The following ZBTB20 variants were observed in gnomAD, a reference collection of about 807,000 sequenced individuals.
ZBTB20 encodes zinc finger and BTB domain-containing protein 20.
ZBTB20 carries 9 observed loss-of-function variants against 56.9 expected under a neutral mutation model. That is an observed-to-expected ratio of 0.16 (90% CI 0.10 to 0.28). ZBTB20 has a LOEUF of 0.28. Ranked by LOEUF, ZBTB20 falls within the 10% of genes least tolerant of loss-of-function variation. ZBTB20 has a pLI of 1.00. For synonymous variants in ZBTB20, 417 were observed against 420.7 expected (o/e 0.99, Z 0.11); for missense variants, 655 against 1,003.0 (o/e 0.65, Z 4.69).
At chr3:115,085,873 A>G (rs2082966904) in intron 1 of ZBTB20, among the ~76,000 whole-genome samples, 1 of 151,908 alleles carries the variant, frequency 6.6e-6, no homozygotes, top group Admixed American at 6.6e-5. Flanking sequence ...GATGCCTACA[A>G]ACATGAAGCT....
At chr3:114,410,849 C>A (rs376407437) in intron 7 of ZBTB20, among the ~76,000 whole-genome samples, 2 of 152,052 alleles carry the variant, frequency 1.3e-5, no homozygotes, top group Non-Finnish European at 2.9e-5. Flanking sequence ...TTTTGAGCCG[C>A]CCATTTTCTG....
At chr3:114,633,178 G>A (rs2059055912) in intron 6 of ZBTB20, among the ~76,000 whole-genome samples, 1 of 152,166 alleles carries the variant, frequency 6.6e-6, no homozygotes. Flanking sequence ...AAGAACTGAT[G>A]CAAAGTTTCC....
intron 5 of ZBTB20, among the ~76,000 whole-genome samples, chr3:114,745,887 C>T (rs2108620027): frequency 6.6e-6 from 1 of 152,236 alleles, no homozygotes; most frequent in South Asian, 2.1e-4. Context: ...GACTCCAGGA[C>T]AAGGAGGTCA....
At chr3:114,776,790 C>CT (rs965457201) in intron 5 of ZBTB20, among the ~76,000 whole-genome samples, 3 of 152,258 alleles carry the variant, frequency 2.0e-5, no homozygotes, top group African/African-American at 7.2e-5. Flanking sequence ...TGTGGAGATA[C>CT]TGGAGATATT....
chr3:115,055,337 G>A (rs2108452775), intron 2 of ZBTB20, among the ~76,000 whole-genome samples: 1 of 151,938 alleles, frequency 6.6e-6, no homozygotes, highest in Admixed American at 6.6e-5. Context: ...AGAACCATAG[G>A]ATTAATCCAT....
intron 7 of ZBTB20, among the ~76,000 whole-genome samples, chr3:114,438,853 G>C (rs2090718351): frequency 6.6e-6 from 1 of 152,136 alleles, no homozygotes; most frequent in Non-Finnish European, 1.5e-5. Flanking sequence ...AACTGCACAG[G>C]TTGTATACCC....
At chr3:114,510,977 C>T (rs1255247017) in intron 6 of ZBTB20, among the ~76,000 whole-genome samples, 1 of 151,062 alleles carries the variant, frequency 6.6e-6, no homozygotes, top group Admixed American at 6.6e-5. Context: ...AAGATGATCA[C>T]TGTTTTCTAA....
At chr3:114,375,326 A>T (rs1350723944) in intron 10 of ZBTB20, among the ~76,000 whole-genome samples, 1 of 152,208 alleles carries the variant, frequency 6.6e-6, no homozygotes, top group Non-Finnish European at 1.5e-5. Flanking sequence ...CCGTTCAAAC[A>T]GTTATTTTGA....
intron 6 of ZBTB20, among the ~76,000 whole-genome samples, chr3:114,573,853 T>G (rs1318851777): frequency 1.3e-5 from 2 of 152,282 alleles, no homozygotes; most frequent in East Asian, 3.9e-4. Flanking sequence ...CTTAAAACTT[T>G]TATTTTTCAA....
chr3:114,855,308 G>A (rs756660207), intron 4 of ZBTB20, among the ~76,000 whole-genome samples: 23 of 152,254 alleles, frequency 1.5e-4, no homozygotes, highest in Middle Eastern at 3.4e-3. Context: ...TTGTTGGGAA[G>A]GGAAAACAAA....
At chr3:114,573,770 T>A (rs1321058711) in intron 6 of ZBTB20, among the ~76,000 whole-genome samples, 2 of 152,096 alleles carry the variant, frequency 1.3e-5, no homozygotes, top group African/African-American at 4.8e-5. Flanking sequence ...TAAATTGGAA[T>A]CATACATGTA....
At chr3:114,555,197 A>G (rs1236881400) in intron 6 of ZBTB20, among the ~76,000 whole-genome samples, 2 of 152,278 alleles carry the variant, frequency 1.3e-5, no homozygotes, top group South Asian at 2.1e-4. Context: ...ATTTTTCCCT[A>G]AAGTCTCTCA....
At chr3:114,923,266 T>C (rs772775060) in intron 3 of ZBTB20, among the ~76,000 whole-genome samples, 18 of 152,172 alleles carry the variant, frequency 1.2e-4, no homozygotes, top group East Asian at 3.8e-4. Flanking sequence ...CAGATAGCCA[T>C]AGCAATCTTG....
intron 3 of ZBTB20, among the ~76,000 whole-genome samples, chr3:114,958,326 G>C (rs1304742727): frequency 6.6e-6 from 1 of 152,150 alleles, no homozygotes; most frequent in African/African-American, 2.4e-5. Context: ...TTGTGTGACA[G>C]TAATAAACAG....
At position 114,932,170 on chromosome 3, in the gene ZBTB20, A is replaced by G. The variant is rs2076383641; in HGVS notation, c.-455-31828T>C. On this transcript the variant is annotated intron_variant, in intron 3 of 11. Coordinates refer to ENST00000675478, the MANE Select transcript of ZBTB20 (RefSeq NM_001348800.3). ...CAGGGCCTTTGCACTGATTGTGTTA[A>G]TGGCCACCTCCTCTTCAGATGTAGG... is the stretch of plus-strand genomic sequence containing the variant. 3.3e-5 allele frequency among the ~76,000 whole-genome samples: 5 copies of G among 152,226 alleles called. No homozygotes were observed. In the South Asian group the frequency reaches 1.0e-3, roughly 31 times the overall value.
At chr3:114,724,094 C>T (rs1024024621) in intron 5 of ZBTB20, among the ~76,000 whole-genome samples, 2 of 151,738 alleles carry the variant, frequency 1.3e-5, no homozygotes, top group South Asian at 2.1e-4. Context: ...AGGATGGTCT[C>T]GATCTCCTGA....
At chr3:114,795,287 C>T (rs2071265697) in intron 5 of ZBTB20, among the ~76,000 whole-genome samples, 1 of 151,936 alleles carries the variant, frequency 6.6e-6, no homozygotes, top group Non-Finnish European at 1.5e-5. Context: ...TTGATCTTGT[C>T]CTATTCTTGA....
chr3:114,867,916 C>G (rs1697921702), intron 4 of ZBTB20, among the ~76,000 whole-genome samples: 1 of 152,058 alleles, frequency 6.6e-6, no homozygotes, highest in Non-Finnish European at 1.5e-5. Context: ...ATTCAATTAC[C>G]CCAGCTCAAC....
intron 1 of ZBTB20, among the ~76,000 whole-genome samples, chr3:115,122,196 G>A (rs1002786242): frequency 3.9e-5 from 6 of 151,956 alleles, no homozygotes; most frequent in Non-Finnish European, 5.9e-5. Flanking sequence ...ATGAAACAAA[G>A]GGGAAAACTT....
Sources: gnomAD v4.1 joint callset for allele counts (sites outside exome capture counted in the v4.1 genomes callset) on GRCh38, gnomAD v4.1.1 for gene constraint, MANE v1.5 for transcripts, NCBI Gene and HGNC (gene_info 2026-07-23, HGNC 2026-07-21) for gene names.